Variants in L3MBTL4 observed in about 807,000 individuals in gnomAD.
The protein encoded by L3MBTL4 is lethal(3)malignant brain tumor-like protein 4.
A neutral mutation model predicts 84.5 loss-of-function variants in L3MBTL4; 70 were observed. That is an observed-to-expected ratio of 0.83 (90% CI 0.68 to 1.01). The LOEUF is 1.01. Among genes scored for constraint, L3MBTL4 ranks in the 50% least tolerant of loss-of-function variants. L3MBTL4 has a pLI of 0.00. For missense variants in L3MBTL4, 715 were observed against 754.8 expected, an observed-to-expected ratio of 0.95 and a Z score of 0.62; for synonymous variants, 274 against 259.8, an observed-to-expected ratio of 1.05 and a Z score of -0.52.
At chr18:6,307,369 G>A (rs1037100715) in intron 3 of L3MBTL4, among the ~76,000 whole-genome samples, 3 of 151,272 alleles carry the variant, frequency 2.0e-5, no homozygotes, top group South Asian at 4.2e-4. Context: ...CCTGGGAGAC[G>A]GAGATTGCAG....
chr18:6,078,366 G>A (rs145572220), intron 16 of L3MBTL4, among the ~76,000 whole-genome samples: 5,405 of 124,320 alleles, frequency 0.043, 199 homozygotes, highest in Middle Eastern at 0.14. Context: ...AGTGGAGATT[G>A]CAGTGAGCCA....
chr18:6,392,277 A>C (rs1474942312), intron 1 of L3MBTL4, among the ~76,000 whole-genome samples: 1 of 152,190 alleles, frequency 6.6e-6, no homozygotes, highest in Non-Finnish European at 1.5e-5. Flanking sequence ...AGCCAGGCGC[A>C]GTGGCTTACA....
chr18:6,395,719 G>A (rs1233207682), intron 1 of L3MBTL4: 1 of 152,124 alleles, frequency 6.6e-6, no homozygotes, highest in East Asian at 1.9e-4. Flanking sequence ...GATGCAGCTA[G>A]CATTTTTGCT....
chr18:6,284,653 G>T (rs1004169015), intron 4 of L3MBTL4, among the ~76,000 whole-genome samples: 1 of 152,128 alleles, frequency 6.6e-6, no homozygotes, highest in Non-Finnish European at 1.5e-5. Context: ...CATGTCATCT[G>T]TGCCCTTCTT....
At chr18:6,282,229 C>T (rs1210212053) in intron 4 of L3MBTL4, among the ~76,000 whole-genome samples, 1 of 152,196 alleles carries the variant, frequency 6.6e-6, no homozygotes, top group Non-Finnish European at 1.5e-5. Flanking sequence ...CATCACACTT[C>T]CCTCACGAGC....
chr18:6,319,216 G>C (rs1000944617), intron 1 of L3MBTL4, among the ~76,000 whole-genome samples: 14 of 151,874 alleles, frequency 9.2e-5, no homozygotes, highest in Admixed American at 7.2e-4. Flanking sequence ...ACACCTCAAG[G>C]AACTATGAGA....
At chr18:6,071,426 C>T (rs1422395093) in intron 16 of L3MBTL4, among the ~76,000 whole-genome samples, 1 of 150,180 alleles carries the variant, frequency 6.7e-6, no homozygotes, top group Non-Finnish European at 1.5e-5. Flanking sequence ...GCCCTAAGTC[C>T]AACTTAACAC....
intron 10 of L3MBTL4, among the ~76,000 whole-genome samples, chr18:6,222,811 C>T (rs942923428): frequency 2.0e-5 from 3 of 151,794 alleles, no homozygotes; most frequent in Non-Finnish European, 2.9e-5. Context: ...CTCTTACCTT[C>T]CTTATGCCAA....
At chr18:6,257,341 G>A (rs148443573) in intron 5 of L3MBTL4, among the ~76,000 whole-genome samples, 3 of 152,098 alleles carry the variant, frequency 2.0e-5, no homozygotes, top group Non-Finnish European at 4.4e-5. Flanking sequence ...CAATTTCACC[G>A]AGAGACAAAA....
At chr18:6,117,843 T>G (rs78982550) in intron 14 of L3MBTL4, among the ~76,000 whole-genome samples, 212 of 152,344 alleles carry the variant, frequency 1.4e-3, no homozygotes, top group African/African-American at 5.0e-3. Flanking sequence ...CATATTGGAC[T>G]AATGCTGAAT....
At chr18:6,202,024 C>T (rs79157942) in intron 12 of L3MBTL4, among the ~76,000 whole-genome samples, 2,872 of 152,308 alleles carry the variant, frequency 0.019, 29 homozygotes, top group Non-Finnish European at 0.029. Context: ...CTGTAACCTA[C>T]TCTTGTGCCA....
In L3MBTL4 at chr18:6,207,210, G is replaced by A. The variant is rs78601736; in HGVS notation, c.981+5939C>T. On this transcript the variant is annotated intron_variant, in intron 12 of 18. Coordinates refer to ENST00000317931, the MANE Select transcript of L3MBTL4 (RefSeq NM_001330559.2). ...TGTTTTTGTGATGAACAGCAGAGTCGAGCAGTTACTGCAGAGACCACATGG... is the reference window on the plus strand; with the variant it reads ...TGTTTTTGTGATGAACAGCAGAGTCAAGCAGTTACTGCAGAGACCACATGG... 3.9e-5 allele frequency among the ~76,000 whole-genome samples: 6 copies of A among 152,088 alleles called. No homozygotes were observed. In the East Asian group the frequency reaches 5.8e-4, roughly 15 times the overall value.
chr18:6,291,892 C>T (rs564356596), intron 4 of L3MBTL4, among the ~76,000 whole-genome samples: 1 of 152,224 alleles, frequency 6.6e-6, no homozygotes, highest in Admixed American at 6.5e-5. Context: ...CGAAAGGAAC[C>T]ATCAACAAAG....
intron 13 of L3MBTL4, 73 bp from the exon 14 acceptor site, chr18:6,138,369 G>A (rs1448729801): frequency 2.2e-6 from 2 of 907,780 alleles, no homozygotes; most frequent in Non-Finnish European, 3.5e-6. Context: ...ATATGTAAAT[G>A]ATGCTAATTA....
At chr18:6,324,259 G>A (rs1298506360) in intron 1 of L3MBTL4, among the ~76,000 whole-genome samples, 2 of 152,328 alleles carry the variant, frequency 1.3e-5, no homozygotes, top group African/African-American at 4.8e-5. Context: ...CCTCTGCTAG[G>A]GCAGTGCAGA....
chr18:6,046,936 A>G lies in L3MBTL4; in HGVS notation c.1444+33945T>C, dbSNP rs539071669. On this transcript the variant is annotated intron_variant, in intron 16 of 18. Transcript: ENST00000317931. ...AACTGAACAAAATTTAGACCCAAAC[A>G]TACATACAAAGAATCAACAAACCAA... 9.4e-4 allele frequency among the ~76,000 whole-genome samples: 143 copies of G among 152,318 alleles called. 4 individuals carry two copies. In the South Asian group the frequency reaches 0.013, roughly 13 times the overall value.
At chr18:6,137,711 A>G (rs2060066864) in intron 14 of L3MBTL4, among the ~76,000 whole-genome samples, 1 of 152,260 alleles carries the variant, frequency 6.6e-6, no homozygotes, top group Non-Finnish European at 1.5e-5. Context: ...ACATCTGTTC[A>G]TATGGATATT....
intron 1 of L3MBTL4, chr18:6,397,881 TAAA>T (rs2055339923): frequency 6.7e-6 from 1 of 149,616 alleles, no homozygotes; most frequent in African/African-American, 2.5e-5. Flanking sequence ...AATAAAAAGA[TAAA>T]AAATTTCTTA....
chr18:5,976,722 T>G (rs1224899293), intron 16 of L3MBTL4, among the ~76,000 whole-genome samples: 1 of 152,154 alleles, frequency 6.6e-6, no homozygotes, highest in East Asian at 1.9e-4. Flanking sequence ...AACAAATACC[T>G]GTTGAGTGGA....
Sources: gnomAD v4.1 joint callset for allele counts (sites outside exome capture counted in the v4.1 genomes callset) on GRCh38, gnomAD v4.1.1 for gene constraint, MANE v1.5 for transcripts, NCBI Gene and HGNC (gene_info 2026-07-23, HGNC 2026-07-21) for gene names.